The following SCO1 variants were observed in gnomAD, a reference collection of about 807,000 sequenced individuals.
SCO1 encodes synthesis of cytochrome C oxidase 1.
SCO1 carries 23 observed loss-of-function variants against 34.0 expected under a neutral mutation model. The ratio of observed to expected loss-of-function variants is 0.68; its 90% CI spans 0.49 to 0.96. SCO1 has a LOEUF of 0.96. SCO1 is among the 40% of genes least tolerant of loss of function. The pLI is 0.00. For synonymous variants in SCO1, 161 were observed against 145.5 expected, an observed-to-expected ratio of 1.11 and a Z score of -0.77; for missense variants, 404 against 381.6, an observed-to-expected ratio of 1.06 and a Z score of -0.49.
In SCO1 at chr17:10,680,331, C is replaced by G. The variant is rs1042857800; in HGVS notation, c.*788G>C. Reference sequence around the variant, plus strand: ...CTCATCACCCATGAAAAAGATCACGCTTGTCTGAACAGCAAAACTGAGTAT... The same window carrying G: ...CTCATCACCCATGAAAAAGATCACGGTTGTCTGAACAGCAAAACTGAGTAT... On this transcript the variant is annotated 3_prime_UTR_variant, in exon 6 of 6. Coordinates refer to ENST00000255390, the MANE Select transcript of SCO1 (RefSeq NM_004589.4). The G allele has an allele frequency of 3.9e-5, 6 of 152,430 alleles. No individual in the cohort carries two copies. Among genetic ancestry groups the G allele is most frequent in the African/African-American group, 1.4e-4 (6 of 41,440 alleles). 9.4% of individuals were successfully genotyped at this position (152,430 alleles called of 1,614,324 possible).
Position 10,679,216 on chromosome 17 carries a change from G to C in SCO1, c.*1903C>G, listed in dbSNP as rs981824327. The C allele has an allele frequency of 6.6e-6, 1 of 152,240 alleles. No individual in the cohort carries two copies. The highest frequency in any genetic ancestry group is 1.5e-5 in the Non-Finnish European group (1 of 68,094). The allele number at this position is 152,240 out of a possible 1,614,324, so 9.4% of individuals were successfully genotyped here. ...GCACGCCTCGGCCTCCCAAAGTGCT[G>C]GGATTACAGGCATAAGCCACTGTGC... On this transcript the variant is annotated 3_prime_UTR_variant, in exon 6 of 6. Coordinates refer to ENST00000255390, the MANE Select transcript of SCO1 (RefSeq NM_004589.4).
intron 5 of SCO1, among the ~76,000 whole-genome samples, 172 bp from the exon 6 acceptor site, chr17:10,681,425 T>C (rs1464610474): frequency 6.6e-6 from 1 of 152,246 alleles, no homozygotes; most frequent in Non-Finnish European, 1.5e-5. Context: ...CTAACAAAAA[T>C]TGTCTAAAAT....
chr17:10,683,801 C>G (rs1465505390), intron 5 of SCO1: 2 of 151,774 alleles, frequency 1.3e-5, no homozygotes, highest in Admixed American at 6.6e-5. Flanking sequence ...ATTTGGTATA[C>G]CCAGTTCGAT....
At chr17:10,693,403 T>C (rs1216047109) in intron 2 of SCO1, among the ~76,000 whole-genome samples, 1 of 152,052 alleles carries the variant, frequency 6.6e-6, no homozygotes, top group South Asian at 2.1e-4. Context: ...ACACAGGAAA[T>C]TGATGAAATA....
intron 5 of SCO1, among the ~76,000 whole-genome samples, chr17:10,681,794 C>A (rs771727065): frequency 1.3e-5 from 2 of 152,256 alleles, no homozygotes; most frequent in African/African-American, 2.4e-5. Flanking sequence ...CTGCTTACCA[C>A]GCTTTATGAG....
At chr17:10,696,118 A>G (rs1191203741) in intron 1 of SCO1, among the ~76,000 whole-genome samples, 1 of 142,200 alleles carries the variant, frequency 7.0e-6, no homozygotes, top group East Asian at 2.3e-4. Flanking sequence ...CACGATTGTT[A>G]CTATGTGTGA....
At position 10,680,681 on chromosome 17, in the gene SCO1, A is replaced by G. The variant is rs899498480; in HGVS notation, c.*438T>C. ...AACTCAGAAGAGCAAAGAACTCAAG[A>G]AGAGGCAAGCAAGAGCACTATGGAA... On this transcript the variant is annotated 3_prime_UTR_variant, in exon 6 of 6. Coordinates refer to ENST00000255390, the MANE Select transcript of SCO1 (RefSeq NM_004589.4). 4.9e-6 allele frequency: 1 copy of G among 205,918 alleles called. No individual in the cohort carries two copies. The highest frequency in any genetic ancestry group is 1.0e-5 in the Non-Finnish European group (1 of 99,534). The allele number at this position is 205,918 out of a possible 1,614,324, so 12.8% of individuals were successfully genotyped here.
Position 10,697,490 on chromosome 17 carries a change from T to G in SCO1, c.18A>C (p.Leu6=). 6.2e-7 allele frequency: 1 copy of G among 1,613,436 alleles called. No homozygotes were observed. Among genetic ancestry groups the G allele is most frequent in the South Asian group, 1.1e-5 (1 of 91,044 alleles). Residue 6 remains leucine, a synonymous_variant, in exon 1 of 6, where the codon CTA becomes CTC. Transcript: ENST00000255390. MAMLV[L]VPGRVMRPLG... is the part of the protein sequence containing the mutation. ...GAGGCCGCATAACTCGTCCGGGTAC[T>G]AGGACCAGCATCGCCATGAGCCTCG...
In SCO1 at chr17:10,697,302, G is replaced by A. The variant is rs1162174436; in HGVS notation, c.206C>T (p.Thr69Ile). 6.4e-7 allele frequency: 1 copy of A among 1,567,246 alleles called. No individual in the cohort carries two copies. Among genetic ancestry groups the A allele is most frequent in the Non-Finnish European group, 8.6e-7 (1 of 1,156,802 alleles). ...GYCLGTRPLS[T>I]ARPPPPWSQK... ...CGACCACGGGGGTGGCGGCCTCGCAGTGCTGAGGGGCCGGGTTCCCAGGCA... is the reference window on the plus strand; with the variant it reads ...CGACCACGGGGGTGGCGGCCTCGCAATGCTGAGGGGCCGGGTTCCCAGGCA... Residue 69 changes from threonine (T) to isoleucine (I), a missense_variant, in exon 1 of 6, where the codon ACT becomes ATT. Physicochemically the swap from Thr to Ile is moderately conservative, Grantham distance 89. Coordinates refer to ENST00000255390, the MANE Select transcript of SCO1 (RefSeq NM_004589.4).
At chr17:10,696,988 A>T (rs186044421) in intron 1 of SCO1, among the ~76,000 whole-genome samples, 174 of 151,906 alleles carry the variant, frequency 1.1e-3, no homozygotes, top group Non-Finnish European at 2.0e-3. Context: ...GCTAACATAA[A>T]ATCCAAGTCG....
Position 10,676,120 on chromosome 17 carries a change from C to T in SCO1, c.*4999G>A, listed in dbSNP as rs886863216. ...TTTCTTTCTTTTTTGTTTTTTGAGA[C>T]AACTCTTGTTGCCCAGGCTGGAGTG... On this transcript the variant is annotated 3_prime_UTR_variant, in exon 6 of 6. Transcript: ENST00000255390. 1 of 152,020 alleles carries T rather than the reference C, an allele frequency of 6.6e-6. No individual in the cohort carries two copies. Among genetic ancestry groups the T allele is most frequent in the Non-Finnish European group, 1.5e-5 (1 of 68,004 alleles). The allele number at this position is 152,020 out of a possible 1,614,324, so 9.4% of individuals were successfully genotyped here.
rs571929923 is a variant in SCO1, at chr17:10,696,167, G to T, written c.274-336C>A. On this transcript the variant is annotated intron_variant, in intron 1 of 5. Transcript: ENST00000255390. ...AATGACTTTAAAACCAATTATGGCC[G>T]GGCGCGGTGGGTCACGCCTGTAATC... is the stretch of plus-strand genomic sequence containing the variant. Among the ~76,000 whole-genome samples the T allele has an allele frequency of 1.3e-3, 197 of 151,504 alleles. 2 individuals are homozygous for T. Among genetic ancestry groups the T allele is most frequent in the South Asian group, 0.011 (52 of 4,812 alleles).
At chr17:10,683,111 T>A (rs1701843121) in intron 5 of SCO1, among the ~76,000 whole-genome samples, 1 of 152,154 alleles carries the variant, frequency 6.6e-6, no homozygotes, top group African/African-American at 2.4e-5. Flanking sequence ...TCCCTCCCCC[T>A]CTTCACACCC....
At chr17:10,681,378 A>C in intron 5 of SCO1, 125 bp from the exon 6 acceptor site, 1 of 1,047,840 alleles carries the variant, frequency 9.5e-7, no homozygotes, top group Non-Finnish European at 1.4e-6. Flanking sequence ...AGCATCTATT[A>C]TTTATGGAAT....
In SCO1 at chr17:10,680,957, G is replaced by C. The variant is rs1567572848; in HGVS notation, c.*162C>G. On this transcript the variant is annotated 3_prime_UTR_variant, in exon 6 of 6. Transcript: ENST00000255390. Reference sequence around the variant, plus strand: ...ACAGTTCCAAGAATCAATTTTGGTTGAACGCAAGGGTAACATCCCCATCCA... The same window carrying C: ...ACAGTTCCAAGAATCAATTTTGGTTCAACGCAAGGGTAACATCCCCATCCA... 4.7e-6 allele frequency: 4 copies of C among 854,154 alleles called. No homozygotes were observed. Among genetic ancestry groups the C allele is most frequent in the Non-Finnish European group, 7.6e-6 (4 of 527,794 alleles). 52.9% of individuals were successfully genotyped at this position (854,154 alleles called of 1,614,324 possible).
Position 10,692,892 on chromosome 17 carries a change from T to C in SCO1, c.434A>G (p.His145Arg). The change falls in exon 3 of 6, where the codon CAT becomes CGT. Residue 145 changes from histidine to arginine, a missense_variant. Transcript: ENST00000255390. ...LLGGPFSLTT[H>R]TGERKTDKDY... ...CTTGTCAGTTTTACGCTCCCCAGTA[T>C]GAGTTGTGAGGGAAAACGGTCCCCC... 3 of 1,613,798 alleles carry C rather than the reference T, an allele frequency of 1.9e-6. No homozygotes were observed.
At chr17:10,691,836 G>A (rs767434086) in intron 4 of SCO1, 36 bp downstream of exon 4, 23 of 1,388,348 alleles carry the variant, frequency 1.7e-5, no homozygotes, top group Non-Finnish European at 2.3e-5. Context: ...AAAACTTTAA[G>A]GCTAAATAAA....
intron 4 of SCO1, among the ~76,000 whole-genome samples, chr17:10,687,505 A>G (rs2151454574): frequency 6.6e-6 from 1 of 152,338 alleles, no homozygotes; most frequent in Non-Finnish European, 1.5e-5. Context: ...ACAGCCCAAC[A>G]TTTAACAGCA....
intron 1 of SCO1, among the ~76,000 whole-genome samples, chr17:10,696,847 T>C (rs915801157): frequency 6.6e-6 from 1 of 152,184 alleles, no homozygotes; most frequent in African/African-American, 2.4e-5. Context: ...TTTCAACGTA[T>C]ACATGGAACT....
Sources: allele counts gnomAD v4.1 joint callset (sites outside exome capture counted in the v4.1 genomes callset), GRCh38; gene constraint gnomAD v4.1.1; transcripts MANE v1.5; gene names NCBI Gene and HGNC (gene_info 2026-07-23, HGNC 2026-07-21).